The following CYP2J2 variants were observed in gnomAD, a reference collection of about 807,000 sequenced individuals.
CYP2J2 encodes cytochrome P450 family 2 subfamily J member 2, also known as cytochrome P450 2J2.
A neutral mutation model predicts 48.8 loss-of-function variants in CYP2J2; 41 were observed. That is an observed-to-expected ratio of 0.84 (90% CI 0.66 to 1.09). CYP2J2 has a LOEUF of 1.09. CYP2J2 is among the 50% of genes least tolerant of loss of function. CYP2J2 has a pLI of 0.00. For synonymous variants in CYP2J2, 221 were observed against 227.1 expected, an observed-to-expected ratio of 0.97 and a Z score of 0.24; for missense variants, 644 against 617.3, an observed-to-expected ratio of 1.04 and a Z score of -0.46.
At chr1:59,896,829 T>G (rs1245256860) in intron 8 of CYP2J2, among the ~76,000 whole-genome samples, 2 of 152,262 alleles carry the variant, frequency 1.3e-5, no homozygotes, top group Non-Finnish European at 2.9e-5. Flanking sequence ...TCCCATAATC[T>G]AGACAAAACC....
chr1:59,967,544 T>A, the CYP2J2 span, among the ~76,000 whole-genome samples: 1 of 152,244 alleles, frequency 6.6e-6, no homozygotes, highest in African/African-American at 2.4e-5. Flanking sequence ...CCTGCCTTGT[T>A]ATCTGCCTTC....
At chr1:59,958,348 T>A in the CYP2J2 span, among the ~76,000 whole-genome samples, 3 of 152,188 alleles carry the variant, frequency 2.0e-5, no homozygotes, top group Admixed American at 1.3e-4. Flanking sequence ...AAATTTTCCA[T>A]ATCCTTAACC....
chr1:59,941,062 C>T, the CYP2J2 span, among the ~76,000 whole-genome samples: 10 of 152,284 alleles, frequency 6.6e-5, no homozygotes, highest in East Asian at 1.5e-3. Flanking sequence ...AGAAGGAATA[C>T]GTTCTAATGT....
At chr1:59,964,666 A>T in the CYP2J2 span, among the ~76,000 whole-genome samples, 2 of 152,222 alleles carry the variant, frequency 1.3e-5, no homozygotes, top group Non-Finnish European at 2.9e-5. Flanking sequence ...AAATAAAGGT[A>T]AATTCCATAT....
chr1:59,915,597 T>C (rs1195034984), intron 2 of CYP2J2, among the ~76,000 whole-genome samples: 1 of 152,102 alleles, frequency 6.6e-6, no homozygotes, highest in Admixed American at 6.5e-5. Flanking sequence ...AAGATCCACA[T>C]CCATTTTCCT....
chr1:59,940,891 G>T, the CYP2J2 span, among the ~76,000 whole-genome samples: 6 of 152,180 alleles, frequency 3.9e-5, no homozygotes, highest in African/African-American at 1.4e-4. Context: ...GGCACAGAAA[G>T]ACAAATATAT....
At chr1:59,960,948 G>C in the CYP2J2 span, among the ~76,000 whole-genome samples, 3 of 152,060 alleles carry the variant, frequency 2.0e-5, no homozygotes, top group Non-Finnish European at 2.9e-5. Flanking sequence ...TAAGAAAAAG[G>C]ATGACTTTTG....
intron 5 of CYP2J2, among the ~76,000 whole-genome samples, chr1:59,909,258 A>G: frequency 6.6e-6 from 1 of 152,196 alleles, no homozygotes; most frequent in East Asian, 1.9e-4. Flanking sequence ...AAAGATATCC[A>G]TTCACATCCT....
At chr1:59,937,798 C>T in the CYP2J2 span, among the ~76,000 whole-genome samples, 1 of 151,934 alleles carries the variant, frequency 6.6e-6, no homozygotes. Context: ...TTGTCAAATA[C>T]CCCATCTTTG....
At position 59,893,718 on chromosome 1, in the gene CYP2J2, AGGCTCAGCTTCTCATTGTTTGGGGGCCT is replaced by A; in HGVS notation, c.1414_1441del (p.Arg472Ter). ...AATGGTGATACCCATTCTAAACTTC[AGGCTCAGCTTCTCATTGTTTGGGGGCCT>A]GAAGGTAAATTTTTGCATAAGGGAA... is the stretch of plus-strand genomic sequence containing the variant. On this transcript the variant is annotated frameshift_variant, in exon 9 of 9. Transcript: ENST00000371204. LOFTEE classifies it low-confidence loss of function (END_TRUNC). 6.2e-7 allele frequency: 1 copy of A among 1,613,386 alleles called. No individual in the cohort carries two copies. The highest frequency in any genetic ancestry group is 8.5e-7 in the Non-Finnish European group (1 of 1,179,668).
At chr1:59,923,474 A>G (rs1644535851) in intron 1 of CYP2J2, among the ~76,000 whole-genome samples, 2 of 152,230 alleles carry the variant, frequency 1.3e-5, no homozygotes. Context: ...TGACACCAAC[A>G]GTGAGATGAC....
intron 1 of CYP2J2, among the ~76,000 whole-genome samples, chr1:59,921,782 AT>A (rs1644517746): frequency 6.6e-6 from 1 of 152,098 alleles, no homozygotes; most frequent in South Asian, 2.1e-4. Context: ...AAGATTAACC[AT>A]GCTGATTAAT....
At chr1:59,916,157 T>C (rs1644463616) in intron 1 of CYP2J2, 57 bp from the exon 2 acceptor site, 1 of 1,467,720 alleles carries the variant, frequency 6.8e-7, no homozygotes, top group African/African-American at 1.4e-5. Context: ...TGTTCAGAAA[T>C]GGAGGATGTG....
chr1:59,894,050 G>C (rs925706195), intron 8 of CYP2J2, among the ~76,000 whole-genome samples: 1 of 152,170 alleles, frequency 6.6e-6, no homozygotes, highest in Non-Finnish European at 1.5e-5. Flanking sequence ...GCCATCAGGG[G>C]TCCGGCAGGC....
the CYP2J2 span, among the ~76,000 whole-genome samples, chr1:59,966,988 C>T: frequency 6.6e-6 from 1 of 152,344 alleles, no homozygotes; most frequent in South Asian, 2.1e-4. Context: ...GGCAAAACTA[C>T]TCCTCAAACA....
intron 6 of CYP2J2, 85 bp downstream of exon 6, chr1:59,907,701 G>A (rs1215381857): frequency 4.2e-6 from 6 of 1,434,684 alleles, no homozygotes; most frequent in Non-Finnish European, 5.8e-6. Flanking sequence ...ATCCTACAAT[G>A]CTATCTTCTG....
chr1:59,921,430 G>T (rs990744441), intron 1 of CYP2J2, among the ~76,000 whole-genome samples: 5 of 152,112 alleles, frequency 3.3e-5, no homozygotes, highest in Non-Finnish European at 7.4e-5. Flanking sequence ...CATGCAGTCA[G>T]GGAGGTTTCA....
intron 7 of CYP2J2, among the ~76,000 whole-genome samples, chr1:59,903,003 C>G (rs1334196301): frequency 6.6e-6 from 1 of 152,122 alleles, no homozygotes; most frequent in Non-Finnish European, 1.5e-5. Flanking sequence ...TTAAAGCTGA[C>G]AAAAATCAGC....
the CYP2J2 span, among the ~76,000 whole-genome samples, chr1:59,963,480 A>G: frequency 6.6e-6 from 1 of 152,194 alleles, no homozygotes; most frequent in Non-Finnish European, 1.5e-5. Flanking sequence ...CCTTAGCATA[A>G]TGTTGATGAC....
Sources: allele counts gnomAD v4.1 joint callset (sites outside exome capture counted in the v4.1 genomes callset), GRCh38; gene constraint gnomAD v4.1.1; transcripts MANE v1.5; gene names NCBI Gene and HGNC (gene_info 2026-07-23, HGNC 2026-07-21).